The following KIF24 variants were observed in gnomAD, a reference collection of about 807,000 sequenced individuals.
KIF24 encodes kinesin family member 24.
KIF24 carries 81 observed loss-of-function variants against 118.9 expected under a neutral mutation model. The ratio of observed to expected loss-of-function variants is 0.68; its 90% CI spans 0.57 to 0.82. KIF24 has a LOEUF of 0.82. KIF24 is among the 40% of genes least tolerant of loss of function. The pLI is 0.00. For synonymous variants in KIF24, 599 were observed against 610.0 expected (o/e 0.98, Z 0.27); for missense variants, 1,560 against 1,661.6 (o/e 0.94, Z 1.06).
intron 1 of KIF24, among the ~76,000 whole-genome samples, chr9:34,325,941 A>G (rs1837658416): frequency 6.6e-6 from 1 of 152,216 alleles, no homozygotes; most frequent in Non-Finnish European, 1.5e-5. Flanking sequence ...AAATGAATTG[A>G]TATGGACACA....
intron 6 of KIF24, among the ~76,000 whole-genome samples, chr9:34,279,464 C>T (rs1401103673): frequency 6.6e-6 from 1 of 152,196 alleles, no homozygotes; most frequent in Non-Finnish European, 1.5e-5. Flanking sequence ...GAAAAACATG[C>T]CCATTAATTG....
chr9:34,262,972 T>C (rs1835150783), intron 9 of KIF24, 129 bp downstream of exon 9: 2 of 684,946 alleles, frequency 2.9e-6, no homozygotes, highest in East Asian at 5.5e-5. Context: ...ACTCCTCTCC[T>C]TCTCTTTTCC....
In KIF24 at chr9:34,256,465, G is replaced by A. The variant is rs765266681; in HGVS notation, c.3142C>T (p.Leu1048Phe). 5.6e-6 allele frequency: 9 copies of A among 1,613,858 alleles called. 1 individual carries two copies. The South Asian group carries it at 8.8e-5, about 16-fold the overall frequency. ...LGTHAEYASG[L>F]MSPLTMSLLE... ...AGGGACATGGTGAGGGGAGACATGA[G>A]TCCAGAAGCATATTCAGCATGCGTG... is the stretch of plus-strand genomic sequence containing the variant. Residue 1048 changes from leucine (L) to phenylalanine (F), a missense_variant, in exon 11 of 13, where the codon CTC becomes TTC. Transcript: ENST00000402558.
At chr9:34,301,236 A>G (rs988337569) in intron 3 of KIF24, among the ~76,000 whole-genome samples, 8 of 152,126 alleles carry the variant, frequency 5.3e-5, no homozygotes, top group African/African-American at 1.9e-4. Context: ...TAACCTTGAC[A>G]GAATCAGAGT....
Position 34,256,600 on chromosome 9 carries a change from T to G in KIF24, c.3007A>C (p.Thr1003Pro). 1 of 1,613,996 alleles carries G rather than the reference T, an allele frequency of 6.2e-7. No homozygotes were observed. The highest frequency in any genetic ancestry group is 8.5e-7 in the Non-Finnish European group (1 of 1,179,896). ...AVPGSPDQRD[T>P]VTTPLREVSA... is the part of the protein sequence containing the mutation. ...ACTTCTCTCAGAGGTGTGGTGACTG[T>G]GTCTCTTTGGTCTGGGGATCCAGGA... The change falls in exon 11 of 13, where the codon ACA (threonine) becomes CCA (proline). Residue 1003 changes from threonine (T) to proline (P), a missense_variant. This residue lies in a region of KIF24 where 591 missense variants were observed against 655.6 expected (regional missense o/e 0.90). Coordinates refer to ENST00000402558, the MANE Select transcript of KIF24 (RefSeq NM_194313.4).
At chr9:34,263,238 G>A (rs373988517) in intron 8 of KIF24, 66 bp from the exon 9 acceptor site, 19 of 1,114,012 alleles carry the variant, frequency 1.7e-5, no homozygotes, top group South Asian at 1.2e-4. Flanking sequence ...ACCTGATGCC[G>A]CCTCCACAGG....
At chr9:34,285,500 C>A (rs768874088) in intron 6 of KIF24, among the ~76,000 whole-genome samples, 1 of 151,476 alleles carries the variant, frequency 6.6e-6, no homozygotes, top group Non-Finnish European at 1.5e-5. Context: ...TCTGGCAGGG[C>A]GTGGTGGCTC....
In KIF24 at chr9:34,257,523, A is replaced by G. The variant is rs1318444051; in HGVS notation, c.2084T>C (p.Val695Ala). The G allele has an allele frequency of 6.2e-7, 1 of 1,613,960 alleles. No individual in the cohort carries two copies. Among genetic ancestry groups the G allele is most frequent in the Non-Finnish European group, 8.5e-7 (1 of 1,179,906 alleles). ...GCACTTGGTGGACAGCTTACCACGC[A>G]CTAGGCCTTCTCCTGGGCCTGAGGC... ...SRASGPGEGL[V>A]RGKLSTKCKK... The change falls in exon 11 of 13, where the codon GTG becomes GCG. Residue 695 changes from valine to alanine, a missense_variant. Coordinates refer to ENST00000402558, the MANE Select transcript of KIF24 (RefSeq NM_194313.4).
At chr9:34,292,494 A>G (rs529384050) in intron 4 of KIF24, among the ~76,000 whole-genome samples, 23 of 152,298 alleles carry the variant, frequency 1.5e-4, no homozygotes, top group Non-Finnish European at 2.9e-4. Flanking sequence ...TTGGCAAATA[A>G]ATCTACAATG....
chr9:34,252,959 T>TA lies in KIF24; in HGVS notation c.*1420dup, dbSNP rs1335735419. 3.3e-5 allele frequency: 5 copies of TA among 152,428 alleles called. No individual in the cohort carries two copies. In the East Asian group the frequency reaches 9.7e-4, roughly 29 times the overall value. 9.4% of individuals were successfully genotyped at this position (152,428 alleles called of 1,614,324 possible). ...GAATAGGGTTCATTCCTAAAGTAAG[T>TA]AAGTTTTTGTCCTTGACCTTAATAC... On this transcript the variant is annotated 3_prime_UTR_variant, in exon 13 of 13. Coordinates refer to ENST00000402558, the MANE Select transcript of KIF24 (RefSeq NM_194313.4).
chr9:34,269,509 T>A (rs1051011535), intron 7 of KIF24, 147 bp from the exon 8 acceptor site: 2 of 393,518 alleles, frequency 5.1e-6, no homozygotes, highest in African/African-American at 4.2e-5. Flanking sequence ...AACCTCTGCC[T>A]CCCGGGTTCA....
chr9:34,257,491 C>T lies in KIF24; in HGVS notation c.2116G>A (p.Val706Met). Residue 706 changes from valine (V) to methionine (M), a missense_variant, in exon 11 of 13, where the codon GTG (valine) becomes ATG (methionine). This residue lies in a region of KIF24 where 964 missense variants were observed against 988.0 expected (regional missense o/e 0.98). Transcript: ENST00000402558. ...RGKLSTKCKK[V>M]QTVQPVQKQL... ...TTCTGTACTGGCTGCACTGTCTGCA[C>T]TTTCTTGCACTTGGTGGACAGCTTA... The T allele has an allele frequency of 6.2e-7, 1 of 1,614,090 alleles. No individual in the cohort carries two copies. Among genetic ancestry groups the T allele is most frequent in the Non-Finnish European group, 8.5e-7 (1 of 1,179,900 alleles).
rs759195922 is a variant in KIF24 at position 34,290,191 on chromosome 9, G to A, written c.1110C>T (p.Leu370=). The A allele has an allele frequency of 2.5e-6, 4 of 1,612,780 alleles. No homozygotes were observed. Among genetic ancestry groups the A allele is most frequent in the Non-Finnish European group, 3.4e-6 (4 of 1,178,944 alleles). ...TTCAGTACCTTTTTCTTCTATTTAG[G>A]AGGTCATAAAGCTGTCCACAGTAAA... ...YEIYCGQLYD[L]LNRRKRLFAR... The change falls in exon 5 of 13, where the codon CTC becomes CTT. Residue 370 remains leucine (L), a synonymous_variant. Coordinates refer to ENST00000402558, the MANE Select transcript of KIF24 (RefSeq NM_194313.4).
intron 1 of KIF24, among the ~76,000 whole-genome samples, chr9:34,324,190 A>T (rs759103851): frequency 3.9e-5 from 6 of 152,062 alleles, no homozygotes; most frequent in Admixed American, 6.6e-5. Context: ...AGACAATCTC[A>T]TGGCTATGTG....
At chr9:34,295,509 T>A (rs1446034608) in intron 4 of KIF24, among the ~76,000 whole-genome samples, 1 of 151,918 alleles carries the variant, frequency 6.6e-6, no homozygotes, top group East Asian at 1.9e-4. Context: ...AAACCCCATC[T>A]CTAAAAAAAT....
At chr9:34,321,142 T>C (rs577852988) in intron 1 of KIF24, among the ~76,000 whole-genome samples, 1 of 152,176 alleles carries the variant, frequency 6.6e-6, no homozygotes, top group East Asian at 1.9e-4. Flanking sequence ...AACACATTCT[T>C]ATTCTGTAGG....
chr9:34,323,265 AAT>A (rs1395254457), intron 1 of KIF24, among the ~76,000 whole-genome samples: 1 of 152,224 alleles, frequency 6.6e-6, no homozygotes, highest in Non-Finnish European at 1.5e-5. Context: ...ACAGAAAAAA[AAT>A]AGTTTCAAGT....
At chr9:34,299,664 G>A (rs565667816) in intron 3 of KIF24, among the ~76,000 whole-genome samples, 114 of 151,768 alleles carry the variant, frequency 7.5e-4, no homozygotes, top group African/African-American at 2.6e-3. Context: ...AGGATTAGAG[G>A]GACACTTGTA....
rs556551427 is a variant in KIF24 at position 34,266,221 on chromosome 9, A to G, written c.1443+3036T>C. ...AATCTTAAACTAATTTATTACTATA[A>G]ATCCCACATATACCACATATATTTT... On this transcript the variant is annotated intron_variant, in intron 8 of 12. Coordinates refer to ENST00000402558, the MANE Select transcript of KIF24 (RefSeq NM_194313.4). Among the ~76,000 whole-genome samples the G allele has an allele frequency of 9.5e-4, 5 of 5,238 alleles. No individual in the cohort carries two copies. In the Non-Finnish European group the frequency reaches 0.012, roughly 13 times the overall value. 3.4% of individuals were successfully genotyped at this position (5,238 alleles called of 152,430 possible).
Sources: gnomAD v4.1 joint callset for allele counts (sites outside exome capture counted in the v4.1 genomes callset) on GRCh38, gnomAD v4.1.1 for gene constraint, gnomAD v4.1.1 regional missense constraint, MANE v1.5 for transcripts, NCBI Gene and HGNC (gene_info 2026-07-23, HGNC 2026-07-21) for gene names.